Variants in ALDH1A2 observed in about 807,000 individuals in gnomAD.
ALDH1A2 encodes aldehyde dehydrogenase 1 family member A2.
ALDH1A2 carries 27 observed loss-of-function variants against 60.3 expected under a neutral mutation model. That is an observed-to-expected ratio of 0.45 (90% CI 0.33 to 0.62). ALDH1A2 has a LOEUF of 0.62. Ranked by LOEUF, ALDH1A2 falls within the 20% of genes least tolerant of loss-of-function variation. The probability of loss-of-function intolerance (pLI) is 0.02; values close to 1 mark genes in which losing one functional copy is unlikely to be tolerated. For missense variants in ALDH1A2, 581 were observed against 643.8 expected (o/e 0.90, Z 1.06); for synonymous variants, 289 against 232.4 (o/e 1.24, Z -2.21).
At chr15:57,985,604 C>A (rs1422614117) in intron 7 of ALDH1A2, among the ~76,000 whole-genome samples, 1 of 152,180 alleles carries the variant, frequency 6.6e-6, no homozygotes, top group Non-Finnish European at 1.5e-5. Flanking sequence ...GAGGGTTCTA[C>A]TGATACCTCA....
intron 1 of ALDH1A2, among the ~76,000 whole-genome samples, chr15:58,019,026 T>C (rs1328750600): frequency 1.3e-5 from 2 of 152,222 alleles, no homozygotes; most frequent in African/African-American, 4.8e-5. Flanking sequence ...TCAATGTTAA[T>C]TTCCTGATTT....
chr15:58,060,463 C>CTTTTTTTTTTTTTTTTTTTTTTT (rs35187901), intron 1 of ALDH1A2, among the ~76,000 whole-genome samples: 9 of 87,510 alleles, frequency 1.0e-4, no homozygotes, highest in African/African-American at 8.7e-5. Flanking sequence ...CCACACATAT[C>CTTTTTTTTTTTTTTTTTTTTTTT]TTTTTTTTTT....
At chr15:58,057,777 A>G (rs1382968819) in intron 1 of ALDH1A2, among the ~76,000 whole-genome samples, 1 of 152,114 alleles carries the variant, frequency 6.6e-6, no homozygotes, top group Non-Finnish European at 1.5e-5. Context: ...CAGGGGCCAC[A>G]CCTATATATC....
chr15:57,959,559 C>T (rs187448718), intron 12 of ALDH1A2, among the ~76,000 whole-genome samples: 44 of 152,252 alleles, frequency 2.9e-4, no homozygotes, highest in African/African-American at 1.0e-3. Flanking sequence ...ATGATGATTG[C>T]AGCTAACATT....
chr15:57,980,192 T>C (rs1414909388), intron 7 of ALDH1A2: 2 of 300,678 alleles, frequency 6.7e-6, no homozygotes, highest in South Asian at 3.3e-5. Context: ...ACTGAAGTTC[T>C]GCTCCTGCTT....
chr15:58,003,720 G>C (rs1326176816), intron 4 of ALDH1A2, among the ~76,000 whole-genome samples: 1 of 151,910 alleles, frequency 6.6e-6, no homozygotes, highest in Non-Finnish European at 1.5e-5. Context: ...CGTGAGAGAA[G>C]AGGATTTGAA....
chr15:58,019,797 T>C (rs1476523003), intron 1 of ALDH1A2, among the ~76,000 whole-genome samples: 2 of 152,182 alleles, frequency 1.3e-5, no homozygotes, highest in Non-Finnish European at 2.9e-5. Context: ...AGAGAGGAAA[T>C]GAATCACTTT....
At chr15:58,009,231 T>C (rs1895552663) in intron 4 of ALDH1A2, among the ~76,000 whole-genome samples, 1 of 152,086 alleles carries the variant, frequency 6.6e-6, no homozygotes, top group Non-Finnish European at 1.5e-5. Flanking sequence ...CTAACTTGGT[T>C]CTGCTGCATC....
intron 1 of ALDH1A2, among the ~76,000 whole-genome samples, chr15:58,027,152 G>A (rs533975810): frequency 3.9e-5 from 6 of 152,194 alleles, no homozygotes; most frequent in Non-Finnish European, 5.9e-5. Context: ...CATACAGGCA[G>A]GTGCCCCTCT....
chr15:57,958,205 T>C (rs1566927304), intron 12 of ALDH1A2, among the ~76,000 whole-genome samples: 1 of 82,786 alleles, frequency 1.2e-5, no homozygotes, highest in Non-Finnish European at 3.1e-5. Flanking sequence ...TGCATGCGTG[T>C]ACACGCACGC....
intron 4 of ALDH1A2, 78 bp from the exon 5 acceptor site, chr15:57,995,217 CA>C (rs34068380): frequency 0.076 from 21,465 of 281,468 alleles, 31 homozygotes; most frequent in African/African-American, 0.099. Context: ...TTGGTGGCTG[CA>C]AAAAAAAAAA....
At position 58,065,354 on chromosome 15, in the gene ALDH1A2, G is replaced by C. The variant is rs979459358; in HGVS notation, c.117+180C>G. 32 of 688,000 alleles carry C rather than the reference G, an allele frequency of 4.7e-5. No homozygotes were observed. The East Asian group carries it at 8.5e-4, about 18-fold the overall frequency. 42.6% of individuals were successfully genotyped at this position (688,000 alleles called of 1,614,324 possible). On this transcript the variant is annotated intron_variant, in intron 1 of 12. Transcript: ENST00000249750. ...CCCCAAGGCGTCCTCAGACCACGGC[G>C]GGGCTTCAAACGCCCCAGTCCCGAA...
At chr15:57,955,384 T>C (rs1270832182) in intron 12 of ALDH1A2, 115 bp from the exon 13 acceptor site, 3 of 1,088,428 alleles carry the variant, frequency 2.8e-6, no homozygotes, top group African/African-American at 1.5e-5. Context: ...AGTCCTGGGA[T>C]GTTCATGTAA....
intron 7 of ALDH1A2, among the ~76,000 whole-genome samples, chr15:57,988,147 G>C (rs1160165194): frequency 6.6e-6 from 1 of 152,110 alleles, no homozygotes; most frequent in African/African-American, 2.4e-5. Context: ...AATGTATTGT[G>C]GGGCATATAA....
rs541235991 is a variant in ALDH1A2 at position 58,032,199 on chromosome 15, T to C, written c.118-17918A>G. On this transcript the variant is annotated intron_variant, in intron 1 of 12. Transcript: ENST00000249750. ...CATAAAAAATGATGAGTTCATGTCC[T>C]TTGTAGGGACATGGATGAAGCTGGA... Among the ~76,000 whole-genome samples the C allele has an allele frequency of 1.9e-3, 293 of 152,264 alleles. 2 individuals carry two copies. Among genetic ancestry groups the C allele is most frequent in the African/African-American group, 6.6e-3 (275 of 41,548 alleles).
At chr15:57,996,477 C>T (rs1207937715) in intron 4 of ALDH1A2, among the ~76,000 whole-genome samples, 2 of 149,976 alleles carry the variant, frequency 1.3e-5, no homozygotes, top group African/African-American at 4.9e-5. Flanking sequence ...GGATATTATT[C>T]AGTCTTTTAT....
Position 58,013,848 on chromosome 15 carries a change from G to A in ALDH1A2, c.363+10C>T, listed in dbSNP as rs1895707822. On this transcript the variant is annotated intron_variant, in intron 3 of 12. Transcript: ENST00000249750. ...GGGTTAAAGACTTAATGTTTTCTTA[G>A]GTTACTTACTGCAAGAACTGCCCTG... 1.2e-6 allele frequency: 2 copies of A among 1,614,092 alleles called. No individual in the cohort carries two copies. The highest frequency in any genetic ancestry group is 2.7e-5 in the African/African-American group (2 of 75,032).
intron 7 of ALDH1A2, among the ~76,000 whole-genome samples, chr15:57,984,624 G>A (rs1450256768): frequency 6.6e-6 from 1 of 152,168 alleles, no homozygotes; most frequent in Non-Finnish European, 1.5e-5. Context: ...ACAGTCTTTT[G>A]TAACTGGATT....
At chr15:58,002,110 G>A (rs1895295487) in intron 4 of ALDH1A2, among the ~76,000 whole-genome samples, 1 of 151,816 alleles carries the variant, frequency 6.6e-6, no homozygotes, top group Middle Eastern at 3.2e-3. Flanking sequence ...TGATACCTGG[G>A]TGCTTTTAAT....
Sources: gnomAD v4.1 joint callset for allele counts (sites outside exome capture counted in the v4.1 genomes callset) on GRCh38, gnomAD v4.1.1 for gene constraint, MANE v1.5 for transcripts, NCBI Gene and HGNC (gene_info 2026-07-23, HGNC 2026-07-21) for gene names.